The following CACNB2 variants were observed in gnomAD, a reference collection of about 807,000 sequenced individuals.
CACNB2 encodes calcium voltage-gated channel auxiliary subunit beta 2.
In CACNB2, 42 loss-of-function variants were observed where a neutral mutation model predicts 73.3. That is an observed-to-expected ratio of 0.57 (90% confidence interval 0.45 to 0.74). CACNB2 has a LOEUF of 0.74. CACNB2 is among the 30% of genes least tolerant of loss of function. The pLI is 0.00. For missense variants in CACNB2, 940 were observed against 853.0 expected (o/e 1.10, Z -1.27); for synonymous variants, 348 against 310.3 (o/e 1.12, Z -1.28).
chr10:18,462,962 T>C (rs12784686), intron 3 of CACNB2, among the ~76,000 whole-genome samples: 15,384 of 152,098 alleles, frequency 0.1, 918 homozygotes, highest in Admixed American at 0.17. Context: ...TTTCACCATG[T>C]TGGCCAGGCT....
chr10:18,454,526 A>G (rs972122003), intron 3 of CACNB2, among the ~76,000 whole-genome samples: 4 of 152,190 alleles, frequency 2.6e-5, no homozygotes, highest in African/African-American at 9.7e-5. Context: ...CCCCCTAAGA[A>G]CAAACGTTTG....
At chr10:18,536,042 A>G (rs1159978937) in intron 11 of CACNB2, 59 bp from the exon 12 acceptor site, 20 of 1,003,994 alleles carry the variant, frequency 2.0e-5, no homozygotes, top group Non-Finnish European at 3.0e-5. Context: ...TCAATAATGT[A>G]CCTTGTACTT....
At chr10:18,356,667 A>G (rs113800231) in intron 2 of CACNB2, among the ~76,000 whole-genome samples, 3 of 151,072 alleles carry the variant, frequency 2.0e-5, no homozygotes, top group African/African-American at 4.9e-5. Context: ...GTCTTACTCT[A>G]TTGCCCAAGC....
intron 2 of CACNB2, among the ~76,000 whole-genome samples, chr10:18,215,643 G>A (rs1564349725): frequency 6.6e-6 from 1 of 152,150 alleles, no homozygotes; most frequent in Non-Finnish European, 1.5e-5. Context: ...GCTGCTCTGT[G>A]TCAGATAATT....
intron 3 of CACNB2, among the ~76,000 whole-genome samples, chr10:18,438,560 G>T (rs997487815): frequency 6.6e-6 from 1 of 152,132 alleles, no homozygotes. Flanking sequence ...TTTACCCTGC[G>T]TGCCGCCAAT....
intron 2 of CACNB2, among the ~76,000 whole-genome samples, chr10:18,223,372 G>A (rs1588749166): frequency 6.6e-6 from 1 of 152,256 alleles, no homozygotes; most frequent in East Asian, 1.9e-4. Flanking sequence ...GCCAATGTTT[G>A]TTGAATGAAT....
At chr10:18,501,030 C>A (rs1015180944) in intron 5 of CACNB2, 82 bp downstream of exon 5, 4 of 1,315,956 alleles carry the variant, frequency 3.0e-6, no homozygotes, top group Non-Finnish European at 4.3e-6. Context: ...ATTCTGTATC[C>A]TTTATTATGT....
chr10:18,488,691 T>G (rs1432431449), intron 3 of CACNB2, among the ~76,000 whole-genome samples: 4 of 151,998 alleles, frequency 2.6e-5, no homozygotes, highest in Admixed American at 2.6e-4. Flanking sequence ...TACCAACCAA[T>G]TTTTAGCATT....
chr10:18,468,883 G>A (rs1245444940), intron 3 of CACNB2, among the ~76,000 whole-genome samples: 2 of 152,196 alleles, frequency 1.3e-5, no homozygotes, highest in Non-Finnish European at 2.9e-5. Flanking sequence ...ACAGGCATGA[G>A]CCACCATGCC....
intron 3 of CACNB2, among the ~76,000 whole-genome samples, chr10:18,470,661 A>G (rs753399042): frequency 1.5e-4 from 23 of 152,054 alleles, no homozygotes; most frequent in Non-Finnish European, 2.8e-4. Flanking sequence ...CATGCAGTTC[A>G]CCAGATCCTA....
At chr10:18,467,122 A>C (rs1332487282) in intron 3 of CACNB2, among the ~76,000 whole-genome samples, 1 of 152,174 alleles carries the variant, frequency 6.6e-6, no homozygotes, top group African/African-American at 2.4e-5. Context: ...ACACTGCACT[A>C]CAGCCCAGGC....
intron 3 of CACNB2, among the ~76,000 whole-genome samples, chr10:18,449,431 C>G (rs974976956): frequency 6.6e-6 from 1 of 152,072 alleles, no homozygotes; most frequent in Admixed American, 6.6e-5. Context: ...ACAGAGAACT[C>G]CAGTTCTACC....
In CACNB2 at chr10:18,169,324, A is replaced by G. The variant is rs111306348; in HGVS notation, c.213+18349A>G. Among the ~76,000 whole-genome samples, 835 of 152,292 alleles carry G rather than the reference A, an allele frequency of 5.5e-3. 5 individuals are homozygous for G. The highest frequency in any genetic ancestry group is 0.019 in the African/African-American group (784 of 41,570). The stretch of plus-strand genomic sequence containing the variant: ...TCAGGAAAGAATTTACATGTTTACC[A>G]GATGATTTAACTTAAAATATATGCT... On this transcript the variant is annotated intron_variant, in intron 2 of 13. Coordinates refer to ENST00000324631, the MANE Select transcript of CACNB2 (RefSeq NM_201596.3).
intron 2 of CACNB2, among the ~76,000 whole-genome samples, chr10:18,257,832 C>G (rs751737987): frequency 2.0e-5 from 3 of 152,178 alleles, no homozygotes; most frequent in Admixed American, 6.5e-5. Context: ...CAACCTCTGC[C>G]TCTCAGGTTC....
intron 2 of CACNB2, among the ~76,000 whole-genome samples, chr10:18,354,246 C>T (rs2041824882): frequency 6.6e-6 from 1 of 152,156 alleles, no homozygotes; most frequent in African/African-American, 2.4e-5. Context: ...ATTTAACAAA[C>T]ACTTGTTAAG....
chr10:18,414,843 T>C (rs751156553), intron 3 of CACNB2, among the ~76,000 whole-genome samples: 5 of 152,028 alleles, frequency 3.3e-5, no homozygotes, highest in Non-Finnish European at 7.4e-5. Context: ...GCAATAAATA[T>C]GCAGTTCTTC....
Position 18,465,682 on chromosome 10 carries a change from C to CTT in CACNB2, c.334-32658_334-32657dup, listed in dbSNP as rs1264310420. Among the ~76,000 whole-genome samples, 407 of 138,370 alleles carry CTT rather than the reference C, an allele frequency of 2.9e-3. 2 individuals are homozygous for CTT. Among genetic ancestry groups the CTT allele is most frequent in the African/African-American group, 9.8e-3 (366 of 37,396 alleles). 90.8% of individuals were successfully genotyped at this position (138,370 alleles called of 152,430 possible). On this transcript the variant is annotated intron_variant, in intron 3 of 13. Transcript: ENST00000324631. ...AGATAAGTACGTCATCCAACTTCTT[C>CTT]TTTTTTTTTTTTTTTTCAAGATGGC...
intron 7 of CACNB2, among the ~76,000 whole-genome samples, chr10:18,518,097 G>A (rs1189927284): frequency 1.3e-5 from 2 of 152,136 alleles, no homozygotes; most frequent in South Asian, 4.1e-4. Flanking sequence ...GGAACGAATA[G>A]GTCTGTAGCA....
At chr10:18,216,393 A>G (rs927213720) in intron 2 of CACNB2, among the ~76,000 whole-genome samples, 5 of 152,216 alleles carry the variant, frequency 3.3e-5, no homozygotes, top group African/African-American at 4.8e-5. Flanking sequence ...GTCCATCAAA[A>G]GAAGAGCATC....
Sources: allele counts gnomAD v4.1 joint callset (sites outside exome capture counted in the v4.1 genomes callset), GRCh38; gene constraint gnomAD v4.1.1; transcripts MANE v1.5; gene names NCBI Gene and HGNC (gene_info 2026-07-23, HGNC 2026-07-21).